Variants in CPSF4 observed in about 807,000 individuals in gnomAD.
The protein encoded by CPSF4 is cleavage and polyadenylation specificity factor subunit 4.
CPSF4 carries 11 observed loss-of-function variants against 37.7 expected under a neutral mutation model. The ratio of observed to expected loss-of-function variants is 0.29; its 90% CI spans 0.18 to 0.48. The LOEUF is 0.48. CPSF4 is among the 20% of genes least tolerant of loss of function. The probability of loss-of-function intolerance (pLI) is 0.99; values close to 1 mark genes in which losing one functional copy is unlikely to be tolerated. For missense variants in CPSF4, 144 were observed against 359.5 expected, an observed-to-expected ratio of 0.40 and a Z score of 4.85; for synonymous variants, 132 against 135.9, an observed-to-expected ratio of 0.97 and a Z score of 0.20.
At chr7:99,449,956 C>A (rs766068184) in intron 3 of CPSF4, among the ~76,000 whole-genome samples, 1 of 152,162 alleles carries the variant, frequency 6.6e-6, no homozygotes, top group Non-Finnish European at 1.5e-5. Flanking sequence ...AAGCGGGCAA[C>A]TACTCAGGAA....
intron 2 of CPSF4, among the ~76,000 whole-genome samples, chr7:99,446,116 T>G (rs868133464): frequency 1.7e-4 from 26 of 152,338 alleles, no homozygotes; most frequent in Admixed American, 1.2e-3. Context: ...TAGGAGACTT[T>G]CTGGCAGATC....
chr7:99,452,166 C>T (rs766934224), intron 5 of CPSF4, among the ~76,000 whole-genome samples: 10 of 152,208 alleles, frequency 6.6e-5, no homozygotes, highest in African/African-American at 1.9e-4. Context: ...CTGTTCTCCC[C>T]GCCACTCCTG....
At chr7:99,440,674 A>ATGTTTTTTTTT in intron 1 of CPSF4, among the ~76,000 whole-genome samples, 1 of 88,130 alleles carries the variant, frequency 1.1e-5, no homozygotes, top group Non-Finnish European at 1.8e-5. Context: ...ATATATATAT[A>ATGTTTTTTTTT]TTTTTTTTTT....
At chr7:99,450,962 G>A in intron 5 of CPSF4, 167 bp downstream of exon 5, 1 of 598,772 alleles carries the variant, frequency 1.7e-6, no homozygotes, top group Non-Finnish European at 3.0e-6. Context: ...GGCCACCAAT[G>A]CTTCCTGAGC....
intron 1 of CPSF4, among the ~76,000 whole-genome samples, chr7:99,442,004 T>C (rs73397499): frequency 0.084 from 12,800 of 152,168 alleles, 852 homozygotes; most frequent in African/African-American, 0.19. Context: ...TTTCAGACTT[T>C]TTGAGATGCA....
chr7:99,442,328 G>A (rs1388121083), intron 1 of CPSF4, among the ~76,000 whole-genome samples: 3 of 152,048 alleles, frequency 2.0e-5, no homozygotes, highest in East Asian at 3.8e-4. Context: ...GAAAGGCTGT[G>A]CTTTTTTTTT....
intron 1 of CPSF4, among the ~76,000 whole-genome samples, chr7:99,440,674 A>ATATATATTTTTTTTTTTTTTTTT: frequency 1.1e-5 from 1 of 88,130 alleles, no homozygotes; most frequent in Non-Finnish European, 1.8e-5. Flanking sequence ...ATATATATAT[A>ATATATATTTTTTTTTTTTTTTTT]TTTTTTTTTT....
chr7:99,439,008 G>A lies in CPSF4; in HGVS notation c.-75G>A. ...GCGAAGGAGGAGTGTGTGCGGCGGG[G>A]CCGGCGGCGGGTAAAGGCGAGAAGG... On this transcript the variant is annotated 5_prime_UTR_variant, in exon 1 of 8. Coordinates refer to ENST00000292476, the MANE Select transcript of CPSF4 (RefSeq NM_006693.4). 1.4e-6 allele frequency: 2 copies of A among 1,441,422 alleles called. No individual in the cohort carries two copies. Among genetic ancestry groups the A allele is most frequent in the Non-Finnish European group, 9.2e-7 (1 of 1,085,206 alleles). The allele number at this position is 1,441,422 out of a possible 1,614,324, so 89.3% of individuals were successfully genotyped here.
At chr7:99,451,544 G>T (rs1797935604) in intron 5 of CPSF4, among the ~76,000 whole-genome samples, 1 of 152,238 alleles carries the variant, frequency 6.6e-6, no homozygotes, top group Non-Finnish European at 1.5e-5. Context: ...GGTGGAAGTT[G>T]CAGTGAGCCA....
At chr7:99,443,532 G>T (rs961691673) in intron 1 of CPSF4, 3 of 665,162 alleles carry the variant, frequency 4.5e-6, no homozygotes, top group East Asian at 2.7e-5. Flanking sequence ...TTTAATAATT[G>T]TATGTGGGGT....
intron 5 of CPSF4, 47 bp from the exon 6 acceptor site, chr7:99,452,321 C>T: frequency 6.6e-7 from 1 of 1,505,374 alleles, no homozygotes; most frequent in Non-Finnish European, 9.2e-7. Flanking sequence ...CATCCCCTGA[C>T]CCCACTCCTT....
chr7:99,447,975 AGG>A, intron 2 of CPSF4, 144 bp from the exon 3 acceptor site: 1 of 690,702 alleles, frequency 1.4e-6, no homozygotes, highest in South Asian at 1.7e-5. Flanking sequence ...GCCTTCTGTG[AGG>A]GGGACCTCTG....
rs958149474 is a variant in CPSF4, at chr7:99,457,216, AC to A, written c.*717del. Reference sequence around the variant, plus strand: ...CCTACCTCCTGCCCATCAGGCGTCTACACTGTCACTCAGACACCTGTGGCAT... The same window carrying A: ...CCTACCTCCTGCCCATCAGGCGTCTAACTGTCACTCAGACACCTGTGGCAT... On this transcript the variant is annotated 3_prime_UTR_variant, in exon 8 of 8. Transcript: ENST00000292476. The A allele has an allele frequency of 6.4e-6, 1 of 156,836 alleles. No individual in the cohort carries two copies. The highest frequency in any genetic ancestry group is 2.4e-5 in the African/African-American group (1 of 41,470). The allele number at this position is 156,836 out of a possible 1,614,324, so 9.7% of individuals were successfully genotyped here.
chr7:99,441,471 C>G (rs1032012651), intron 1 of CPSF4: 2 of 456,178 alleles, frequency 4.4e-6, no homozygotes, highest in African/African-American at 4.0e-5. Flanking sequence ...CCTCCACACT[C>G]GCTGCTTGTC....
chr7:99,444,911 A>G lies in CPSF4; in HGVS notation c.154+72A>G, dbSNP rs1476867036. On this transcript the variant is annotated intron_variant, in intron 2 of 7. Transcript: ENST00000292476. ...ACCTCCTTCTCCCCGGCAGACTTGG[A>G]GGCCGCCAGGTCTCTGGCTTACATT... 5 of 1,301,854 alleles carry G rather than the reference A, an allele frequency of 3.8e-6. No homozygotes were observed. In the African/African-American group the frequency reaches 7.3e-5, roughly 19 times the overall value. The allele number at this position is 1,301,854 out of a possible 1,614,324, so 80.6% of individuals were successfully genotyped here. A position where few individuals can be genotyped will look rare whatever the true frequency, so the allele number is the denominator to read the frequency against.
At chr7:99,450,474 T>A in intron 4 of CPSF4, 103 bp downstream of exon 4, 1 of 842,280 alleles carries the variant, frequency 1.2e-6, no homozygotes, top group South Asian at 1.5e-5. Flanking sequence ...CAGCAAAACC[T>A]GACATTCTGC....
Position 99,448,342 on chromosome 7 carries a change from T to C in CPSF4, c.307+69T>C. 1 of 1,509,930 alleles carries C rather than the reference T, an allele frequency of 6.6e-7. No homozygotes were observed. The highest frequency in any genetic ancestry group is 9.0e-7 in the Non-Finnish European group (1 of 1,106,378). The allele number at this position is 1,509,930 out of a possible 1,614,324, so 93.5% of individuals were successfully genotyped here. A position where few individuals can be genotyped will look rare whatever the true frequency, so the allele number is the denominator to read the frequency against. On this transcript the variant is annotated intron_variant, in intron 3 of 7. Transcript: ENST00000292476. The surrounding 1 kb of genome is among the most constrained non-coding windows in gnomAD (Gnocchi z 4.4). ...GCAGAGGGGTCCGCTGGCTGCTCAGTGCCCACACTGTCTCTGCCTGCTTTT... is the reference window on the plus strand; with the variant it reads ...GCAGAGGGGTCCGCTGGCTGCTCAGCGCCCACACTGTCTCTGCCTGCTTTT...
At position 99,448,438 on chromosome 7, in the gene CPSF4, G is replaced by T; in HGVS notation, c.307+165G>T. 1 of 575,122 alleles carries T rather than the reference G, an allele frequency of 1.7e-6. No individual in the cohort carries two copies. The highest frequency in any genetic ancestry group is 2.9e-6 in the Non-Finnish European group (1 of 345,444). 35.6% of individuals were successfully genotyped at this position (575,122 alleles called of 1,614,324 possible). A position where few individuals can be genotyped will look rare whatever the true frequency, so the allele number is the denominator to read the frequency against. ...CCTCAGCCAGCTTTTAGGGGACAGT[G>T]TGGCTATTTTCTGCTCATCTCTTTT... On this transcript the variant is annotated intron_variant, in intron 3 of 7. Coordinates refer to ENST00000292476, the MANE Select transcript of CPSF4 (RefSeq NM_006693.4). This position sits in a 1 kb window ranked among gnomAD's most constrained non-coding sequence, Gnocchi z 4.4.
intron 3 of CPSF4, among the ~76,000 whole-genome samples, chr7:99,449,486 T>C (rs569504779): frequency 6.6e-6 from 1 of 152,230 alleles, no homozygotes; most frequent in Non-Finnish European, 1.5e-5. Context: ...GCTATACAAG[T>C]GGCCTGAGGG....
Sources: gnomAD v4.1 joint callset for allele counts (sites outside exome capture counted in the v4.1 genomes callset) on GRCh38, gnomAD v4.1.1 for gene constraint, Gnocchi (gnomAD v3.1) non-coding constraint, MANE v1.5 for transcripts, NCBI Gene and HGNC (gene_info 2026-07-23, HGNC 2026-07-21) for gene names.